Variants in RBFOX1 observed in about 807,000 individuals in gnomAD.
The protein encoded by RBFOX1 is RNA binding fox-1 homolog 1.
A neutral mutation model predicts 57.7 loss-of-function variants in RBFOX1; 8 were observed. The ratio of observed to expected loss-of-function variants is 0.14; its 90% CI spans 0.08 to 0.25. RBFOX1 has a LOEUF of 0.25. RBFOX1 is among the 10% of genes least tolerant of loss of function. RBFOX1 has a pLI of 1.00. For missense variants in RBFOX1, 611 were observed against 548.5 expected (o/e 1.11, Z -1.14); for synonymous variants, 326 against 222.4 (o/e 1.47, Z -4.15).
At chr16:5,297,431 C>T (rs2063696609) in intron 1 of RBFOX1, among the ~76,000 whole-genome samples, 1 of 152,184 alleles carries the variant, frequency 6.6e-6, no homozygotes, top group African/African-American at 2.4e-5. Flanking sequence ...TTATCATAGT[C>T]GTTCTAATAG....
intron 1 of RBFOX1, among the ~76,000 whole-genome samples, chr16:5,464,545 C>T (rs1049649976): frequency 1.3e-5 from 2 of 152,330 alleles, no homozygotes; most frequent in African/African-American, 4.8e-5. Context: ...AGGGTCCTTG[C>T]ATCATCTCCT....
intron 4 of RBFOX1, among the ~76,000 whole-genome samples, chr16:7,158,745 T>C (rs1198850635): frequency 6.6e-6 from 1 of 152,026 alleles, no homozygotes; most frequent in Non-Finnish European, 1.5e-5. Flanking sequence ...GTGTTGTTTC[T>C]GGGTGGTGTG....
intron 4 of RBFOX1, among the ~76,000 whole-genome samples, chr16:7,399,855 T>C (rs979513142): frequency 1.3e-5 from 2 of 152,242 alleles, no homozygotes; most frequent in African/African-American, 4.8e-5. Context: ...TCTACTGCCA[T>C]TTTATTGTGA....
At chr16:6,633,665 C>T (rs2098407995) in intron 2 of RBFOX1, among the ~76,000 whole-genome samples, 1 of 151,988 alleles carries the variant, frequency 6.6e-6, no homozygotes, top group South Asian at 2.1e-4. Context: ...TACTTGGTTT[C>T]CAGCCAGTTA....
At chr16:7,332,946 C>G in intron 4 of RBFOX1, 4 of 1,611,596 alleles carry the variant, frequency 2.5e-6, no homozygotes, top group Middle Eastern at 3.9e-4. Flanking sequence ...TAGATTTCCC[C>G]CTAACTCTCC....
chr16:6,422,884 C>T (rs1386422029), intron 2 of RBFOX1, among the ~76,000 whole-genome samples: 1 of 152,196 alleles, frequency 6.6e-6, no homozygotes, highest in Non-Finnish European at 1.5e-5. Flanking sequence ...AAATGCTTAG[C>T]TCCTACTTAC....
intron 3 of RBFOX1, among the ~76,000 whole-genome samples, chr16:5,724,979 C>T (rs1366193921): frequency 6.6e-6 from 1 of 152,154 alleles, no homozygotes; most frequent in Non-Finnish European, 1.5e-5. Flanking sequence ...GGTGTCTCTG[C>T]TCAAACCTTG....
At chr16:7,260,018 C>A (rs978130586) in intron 4 of RBFOX1, among the ~76,000 whole-genome samples, 1 of 152,066 alleles carries the variant, frequency 6.6e-6, no homozygotes, top group Non-Finnish European at 1.5e-5. Context: ...TGTGGCTTGT[C>A]TTTTGTCATT....
chr16:5,601,852 C>G (rs1185251680), downstream of RBFOX1, among the ~76,000 whole-genome samples: 1 of 152,204 alleles, frequency 6.6e-6, no homozygotes, highest in Non-Finnish European at 1.5e-5. Context: ...TTCCCCAGTG[C>G]TTAGAATAGT....
At chr16:6,250,650 T>G (rs1404898015) in intron 1 of RBFOX1, among the ~76,000 whole-genome samples, 1 of 152,110 alleles carries the variant, frequency 6.6e-6, no homozygotes, top group East Asian at 1.9e-4. Flanking sequence ...CCTGTTTAGA[T>G]TGGTTCTCTG....
chr16:6,642,791 A>G (rs2098502958), intron 2 of RBFOX1, among the ~76,000 whole-genome samples: 2 of 152,140 alleles, frequency 1.3e-5, no homozygotes, highest in African/African-American at 4.8e-5. Flanking sequence ...TTACTGTCAG[A>G]GAAAATATCC....
chr16:6,758,322 C>T lies in RBFOX1; in HGVS notation c.-16+103672C>T, dbSNP rs143274768. Reference sequence around the variant, plus strand: ...GTCCCAATAAAAATTTTCCCCCAAGCATATGTAAACCACGACATAATAGAT... The same window carrying T: ...GTCCCAATAAAAATTTTCCCCCAAGTATATGTAAACCACGACATAATAGAT... On this transcript the variant is annotated intron_variant, in intron 3 of 15. Transcript: ENST00000550418. Among the ~76,000 whole-genome samples, 96 of 152,100 alleles carry T rather than the reference C, an allele frequency of 6.3e-4. No homozygotes were observed. In the East Asian group the frequency reaches 0.014, roughly 23 times the overall value.
intron 2 of RBFOX1, among the ~76,000 whole-genome samples, chr16:6,502,186 C>A (rs758250587): frequency 6.6e-6 from 1 of 152,132 alleles, no homozygotes; most frequent in Non-Finnish European, 1.5e-5. Context: ...AAATTTTGTG[C>A]TTCTGTTATA....
intron 4 of RBFOX1, among the ~76,000 whole-genome samples, chr16:7,477,147 A>G (rs1051892987): frequency 1.3e-5 from 2 of 152,188 alleles, no homozygotes; most frequent in African/African-American, 4.8e-5. Context: ...ACACATGAGA[A>G]TCACAAAACC....
chr16:5,465,228 C>T (rs1024123720), intron 1 of RBFOX1, among the ~76,000 whole-genome samples: 2 of 152,106 alleles, frequency 1.3e-5, no homozygotes, highest in Non-Finnish European at 2.9e-5. Flanking sequence ...TTGTAGGTGG[C>T]CATCTCCTTG....
At chr16:5,352,631 C>G (rs1045861840) in intron 1 of RBFOX1, among the ~76,000 whole-genome samples, 3 of 152,082 alleles carry the variant, frequency 2.0e-5, no homozygotes, top group African/African-American at 7.2e-5. Context: ...TGAGCACACT[C>G]AAGAAATTTA....
chr16:7,361,904 TTG>T (rs768170459), intron 4 of RBFOX1, among the ~76,000 whole-genome samples: 3 of 150,548 alleles, frequency 2.0e-5, no homozygotes, highest in African/African-American at 7.3e-5. Context: ...GTGTATTTTT[TTG>T]TGTTAGTTTG....
At chr16:7,165,975 T>C (rs1336699109) in intron 4 of RBFOX1, among the ~76,000 whole-genome samples, 4 of 65,118 alleles carry the variant, frequency 6.1e-5, no homozygotes, top group Non-Finnish European at 1.6e-4. Context: ...CATACATACA[T>C]ACACCCCAGA....
chr16:7,057,549 A>C (rs148248512), intron 4 of RBFOX1, among the ~76,000 whole-genome samples: 2 of 152,190 alleles, frequency 1.3e-5, no homozygotes, highest in African/African-American at 2.4e-5. Context: ...CCTCGTTACA[A>C]ATTCCTGGAA....
Sources: allele counts gnomAD v4.1 joint callset (sites outside exome capture counted in the v4.1 genomes callset), GRCh38; gene constraint gnomAD v4.1.1; transcripts MANE v1.5; gene names NCBI Gene and HGNC (gene_info 2026-07-23, HGNC 2026-07-21).